The following GGACT variants were observed in gnomAD, a reference collection of about 807,000 sequenced individuals.
GGACT encodes the protein gamma-glutamylaminecyclotransferase.
For synonymous variants in GGACT, 118 were observed against 115.3 expected, an observed-to-expected ratio of 1.02 and a Z score of -0.15; for missense variants, 241 against 233.2, an observed-to-expected ratio of 1.03 and a Z score of -0.22.
At chr13:100,558,518 A>G (rs1390820694) in intron 2 of GGACT, among the ~76,000 whole-genome samples, 1 of 152,224 alleles carries the variant, frequency 6.6e-6, no homozygotes, top group East Asian at 1.9e-4. Context: ...CAAGATGTAG[A>G]GTAACTGAAA....
intron 2 of GGACT, among the ~76,000 whole-genome samples, chr13:100,582,584 C>G (rs1437757132): frequency 6.6e-6 from 1 of 152,130 alleles, no homozygotes; most frequent in East Asian, 1.9e-4. Context: ...TCAGATCAGA[C>G]AGATGTGACG....
At chr13:100,554,045 C>A (rs2088691479) in intron 2 of GGACT, among the ~76,000 whole-genome samples, 1 of 152,056 alleles carries the variant, frequency 6.6e-6, no homozygotes, top group Non-Finnish European at 1.5e-5. Flanking sequence ...ACACAATGAA[C>A]AAAGATACAT....
rs369036128 is a variant in GGACT at position 100,532,251 on chromosome 13, A to C, written c.341T>G (p.Val114Gly). Reference sequence around the variant, plus strand: ...GGCCCTGCTGTACACGAAGCACTGCACCGCGGTGGGCGCTGGCGGCTCCTC... The same window carrying C: ...GGCCCTGCTGTACACGAAGCACTGCCCCGCGGTGGGCGCTGGCGGCTCCTC... ...GAEEPPAPTA[V>G]QCFVYSRATF... The change falls in exon 3 of 3, where the codon GTG becomes GGG. Residue 114 changes from valine (V) to glycine (G), a missense_variant. Transcript: ENST00000683975. 6.6e-7 allele frequency: 1 copy of C among 1,520,690 alleles called. No individual in the cohort carries two copies. Among genetic ancestry groups the C allele is most frequent in the Non-Finnish European group, 8.9e-7 (1 of 1,128,638 alleles). The allele number at this position is 1,520,690 out of a possible 1,614,324, so 94.2% of individuals were successfully genotyped here.
chr13:100,577,320 G>T (rs1481853448), intron 2 of GGACT, among the ~76,000 whole-genome samples: 1 of 151,958 alleles, frequency 6.6e-6, no homozygotes, highest in Non-Finnish European at 1.5e-5. Flanking sequence ...GGAGGCTAAG[G>T]CAGGAGAATC....
intron 2 of GGACT, chr13:100,540,252 G>A: frequency 7.9e-7 from 1 of 1,273,314 alleles, no homozygotes; most frequent in South Asian, 1.2e-5. Flanking sequence ...TTGTCATCTT[G>A]GAGGCACGGA....
chr13:100,565,354 A>G (rs1006830528), intron 2 of GGACT, among the ~76,000 whole-genome samples: 2 of 152,206 alleles, frequency 1.3e-5, no homozygotes, highest in Non-Finnish European at 2.9e-5. Flanking sequence ...CCTACCTGAC[A>G]ACGTTAACAG....
At chr13:100,579,614 C>T (rs1170646494) in intron 2 of GGACT, among the ~76,000 whole-genome samples, 1 of 152,152 alleles carries the variant, frequency 6.6e-6, no homozygotes, top group African/African-American at 2.4e-5. Context: ...AGAAATGCTA[C>T]AACAGAGAGG....
At chr13:100,571,171 A>T (rs142029140) in intron 2 of GGACT, among the ~76,000 whole-genome samples, 30 of 152,336 alleles carry the variant, frequency 2.0e-4, no homozygotes, top group African/African-American at 7.0e-4. Flanking sequence ...GTCGAGGAGG[A>T]TAACCTCAGA....
At chr13:100,569,271 C>T (rs531358621) in intron 2 of GGACT, among the ~76,000 whole-genome samples, 2 of 152,386 alleles carry the variant, frequency 1.3e-5, no homozygotes, top group South Asian at 4.1e-4. Flanking sequence ...AGGGCTCTGC[C>T]CCTGCAGCAT....
rs1461252097 is a variant in GGACT at position 100,532,082 on chromosome 13, C to T, written c.*48G>A. ...TTCACCCAGCATGGGCTGGGCGCATCTTGGAGCCCCAGGGCTCTCAAACCT... is the reference window on the plus strand; with the variant it reads ...TTCACCCAGCATGGGCTGGGCGCATTTTGGAGCCCCAGGGCTCTCAAACCT... On this transcript the variant is annotated 3_prime_UTR_variant, in exon 3 of 3. Transcript: ENST00000683975. 9 of 1,359,174 alleles carry T rather than the reference C, an allele frequency of 6.6e-6. No individual in the cohort carries two copies. The South Asian group carries it at 1.6e-4, about 25-fold the overall frequency. The allele number at this position is 1,359,174 out of a possible 1,614,324, so 84.2% of individuals were successfully genotyped here.
chr13:100,550,259 T>C (rs756290186), intron 2 of GGACT, among the ~76,000 whole-genome samples: 3 of 149,950 alleles, frequency 2.0e-5, no homozygotes, highest in Non-Finnish European at 4.4e-5. Context: ...CTAAGGAAAC[T>C]GGATGCGCTG....
In GGACT at chr13:100,554,680, C is replaced by T. The variant is rs1009812732; in HGVS notation, c.-10-22079G>A. Among the ~76,000 whole-genome samples, 8 of 152,218 alleles carry T rather than the reference C, an allele frequency of 5.3e-5. No individual in the cohort carries two copies. The South Asian group carries it at 6.2e-4, about 12-fold the overall frequency. On this transcript the variant is annotated intron_variant, in intron 2 of 2. Coordinates refer to ENST00000683975, the MANE Select transcript of GGACT (RefSeq NM_001195087.2). ...AAGTATCTAGCATTTGAAAATATCACGTCTGGAACATACTTTAAAATATGT... is the reference window on the plus strand; with the variant it reads ...AAGTATCTAGCATTTGAAAATATCATGTCTGGAACATACTTTAAAATATGT...
intron 2 of GGACT, among the ~76,000 whole-genome samples, chr13:100,568,856 T>A (rs1874991013): frequency 6.6e-6 from 1 of 152,154 alleles, no homozygotes. Flanking sequence ...ATAAACCCAT[T>A]CCAAATGGGA....
chr13:100,540,071 C>A, intron 2 of GGACT: 2 of 1,364,016 alleles, frequency 1.5e-6, no homozygotes, highest in South Asian at 2.3e-5. Context: ...ACATAGGCAT[C>A]GAAGACGCTC....
chr13:100,543,197 C>CTTTTTTTTTTTTTTTTTTTTT lies in GGACT; in HGVS notation c.-10-10617_-10-10597dup, dbSNP rs147710327. ...CAAAAGGATTTTAAAAAGACACCAGCTTTTTTTTTTTTTTTTTTTTTTTTT... is the reference window on the plus strand; with the variant it reads ...CAAAAGGATTTTAAAAAGACACCAGCTTTTTTTTTTTTTTTTTTTTTTTTTTTTTTTTTTTTTTTTTTTTTT... On this transcript the variant is annotated intron_variant, in intron 2 of 2. Transcript: ENST00000683975. 7.2e-5 allele frequency among the ~76,000 whole-genome samples: 5 copies of CTTTTTTTTTTTTTTTTTTTTT among 69,902 alleles called. 1 individual carries two copies. The highest frequency in any genetic ancestry group is 3.1e-4 in the African/African-American group (5 of 16,184). The allele number at this position is 69,902 out of a possible 152,430, so 45.9% of individuals were successfully genotyped here. A position where few individuals can be genotyped will look rare whatever the true frequency, so the allele number is the denominator to read the frequency against.
At chr13:100,588,239 TG>T (rs1449343969) in intron 1 of GGACT, among the ~76,000 whole-genome samples, 1 of 152,224 alleles carries the variant, frequency 6.6e-6, no homozygotes, top group Non-Finnish European at 1.5e-5. Flanking sequence ...GTTTCACTAA[TG>T]GCTCCAAAGA....
chr13:100,549,484 A>C (rs536266481), intron 2 of GGACT, among the ~76,000 whole-genome samples: 214 of 152,322 alleles, frequency 1.4e-3, no homozygotes, highest in African/African-American at 4.8e-3. Flanking sequence ...AGAAACATGA[A>C]ATCAGGAGCT....
chr13:100,560,655 G>T (rs749860743), intron 2 of GGACT, among the ~76,000 whole-genome samples: 3 of 152,230 alleles, frequency 2.0e-5, no homozygotes, highest in Non-Finnish European at 4.4e-5. Flanking sequence ...GGCTGAGGAG[G>T]GTTGCAGCTT....
intron 2 of GGACT, among the ~76,000 whole-genome samples, chr13:100,580,909 G>A (rs753662707): frequency 6.6e-6 from 1 of 152,196 alleles, no homozygotes; most frequent in Non-Finnish European, 1.5e-5. Context: ...CCCATAGGGC[G>A]AGATGGCAAT....
Sources: gnomAD v4.1 joint callset for allele counts (sites outside exome capture counted in the v4.1 genomes callset) on GRCh38, gnomAD v4.1.1 for gene constraint, MANE v1.5 for transcripts, NCBI Gene and HGNC (gene_info 2026-07-23, HGNC 2026-07-21) for gene names.